Variants in EPHA5 observed in about 807,000 individuals in gnomAD.
EPHA5 encodes the protein EPH receptor A5.
Under a neutral mutation model 105.0 loss-of-function variants are expected in EPHA5, and 60 were observed. The observed-to-expected ratio is 0.57, with a 90% CI of 0.46 to 0.71. The LOEUF is 0.71. EPHA5 is among the 30% of genes least tolerant of loss of function. The probability of loss-of-function intolerance (pLI) is 0.00; values close to 1 mark genes in which losing one functional copy is unlikely to be tolerated. For synonymous variants in EPHA5, 513 were observed against 449.1 expected (o/e 1.14, Z -1.80); for missense variants, 1,218 against 1,274.7 (o/e 0.96, Z 0.68).
intron 3 of EPHA5, among the ~76,000 whole-genome samples, chr4:65,503,565 A>C (rs1732705093): frequency 6.6e-6 from 1 of 151,766 alleles, no homozygotes; most frequent in South Asian, 2.1e-4. Flanking sequence ...CTCTCAATAC[A>C]ATGTATTTTT....
At chr4:65,326,182 G>A (rs1720064548) in intron 16 of EPHA5, among the ~76,000 whole-genome samples, 1 of 150,754 alleles carries the variant, frequency 6.6e-6, no homozygotes, top group Non-Finnish European at 1.5e-5. Context: ...ATAACCCTAT[G>A]ATACAGATTT....
intron 3 of EPHA5, among the ~76,000 whole-genome samples, chr4:65,498,831 T>C (rs1732199118): frequency 6.6e-6 from 1 of 151,720 alleles, no homozygotes; most frequent in Non-Finnish European, 1.5e-5. Flanking sequence ...AAAAAACCTG[T>C]GTGGTTCAAT....
At chr4:65,422,819 T>G (rs1471489189) in intron 5 of EPHA5, among the ~76,000 whole-genome samples, 2 of 152,062 alleles carry the variant, frequency 1.3e-5, no homozygotes, top group Non-Finnish European at 2.9e-5. Context: ...AGCTTTATTT[T>G]TATAGAAAAA....
intron 5 of EPHA5, among the ~76,000 whole-genome samples, chr4:65,440,283 T>G (rs1364990135): frequency 6.6e-6 from 1 of 151,986 alleles, no homozygotes; most frequent in Non-Finnish European, 1.5e-5. Context: ...TTTTATGAAT[T>G]CATTAAAAAG....
At chr4:65,376,077 C>T (rs890688771) in intron 8 of EPHA5, among the ~76,000 whole-genome samples, 2 of 151,982 alleles carry the variant, frequency 1.3e-5, no homozygotes, top group Admixed American at 6.6e-5. Context: ...CCCATTTGCA[C>T]ATCTGTATAC....
At chr4:65,488,885 A>AT (rs5858962) in intron 5 of EPHA5, among the ~76,000 whole-genome samples, 1,493 of 117,716 alleles carry the variant, frequency 0.013, 111 homozygotes, top group African/African-American at 0.042. Context: ...AGCTGCATGC[A>AT]TTTTTTTTTT....
chr4:65,634,331 C>T (rs969617544), intron 2 of EPHA5, among the ~76,000 whole-genome samples: 7 of 152,150 alleles, frequency 4.6e-5, no homozygotes, highest in African/African-American at 7.2e-5. Context: ...ATATCTCAAT[C>T]GTACTATGCA....
chr4:65,584,865 T>C (rs1741963117), intron 3 of EPHA5, among the ~76,000 whole-genome samples: 1 of 151,980 alleles, frequency 6.6e-6, no homozygotes, highest in Non-Finnish European at 1.5e-5. Context: ...CTCATATAAT[T>C]ATTACATATA....
intron 2 of EPHA5, among the ~76,000 whole-genome samples, chr4:65,605,939 T>C (rs1002952617): frequency 3.7e-4 from 56 of 152,236 alleles, no homozygotes; most frequent in African/African-American, 1.3e-3. Flanking sequence ...GTCCTATTGT[T>C]CATTTTAGAA....
intron 3 of EPHA5, among the ~76,000 whole-genome samples, chr4:65,500,325 A>G (rs1732355475): frequency 6.6e-6 from 1 of 151,284 alleles, no homozygotes; most frequent in Admixed American, 6.6e-5. Flanking sequence ...CTATTGTGAC[A>G]AACTCCTGGG....
chr4:65,552,104 A>G (rs1282372674), intron 3 of EPHA5, among the ~76,000 whole-genome samples: 1 of 152,180 alleles, frequency 6.6e-6, no homozygotes, highest in Non-Finnish European at 1.5e-5. Flanking sequence ...AAGAACCAAT[A>G]TTACTAATAA....
At chr4:65,340,958 A>G (rs548628322) in intron 14 of EPHA5, among the ~76,000 whole-genome samples, 2 of 152,016 alleles carry the variant, frequency 1.3e-5, no homozygotes, top group South Asian at 4.2e-4. Context: ...CGGCATTTCT[A>G]CTCCATAGCT....
chr4:65,341,308 G>A (rs1721694283), intron 14 of EPHA5, among the ~76,000 whole-genome samples: 1 of 152,046 alleles, frequency 6.6e-6, no homozygotes, highest in Admixed American at 6.6e-5. Flanking sequence ...TGCCCAGCTA[G>A]GAAGTGGGGG....
At chr4:65,401,133 T>C (rs922275559) in intron 8 of EPHA5, among the ~76,000 whole-genome samples, 3 of 152,056 alleles carry the variant, frequency 2.0e-5, no homozygotes, top group Admixed American at 1.3e-4. Context: ...TATAATCCTA[T>C]ATTTTTACAT....
intron 3 of EPHA5, among the ~76,000 whole-genome samples, chr4:65,513,310 G>A (rs1733796101): frequency 6.6e-6 from 1 of 152,102 alleles, no homozygotes; most frequent in African/African-American, 2.4e-5. Context: ...AGTGTTTAAA[G>A]CTGAAAATTA....
chr4:65,426,819 T>C (rs35444756), intron 5 of EPHA5, among the ~76,000 whole-genome samples: 19,077 of 152,132 alleles, frequency 0.13, 1,629 homozygotes, highest in East Asian at 0.32. Flanking sequence ...TCAGTATAAA[T>C]GTCTTCAAAG....
chr4:65,535,645 A>G (rs941590769), intron 3 of EPHA5, among the ~76,000 whole-genome samples: 7 of 152,118 alleles, frequency 4.6e-5, no homozygotes, highest in African/African-American at 4.8e-5. Flanking sequence ...AAATATCAAT[A>G]CATGTAAAAT....
At chr4:65,456,184 C>T (rs72641046) in intron 5 of EPHA5, among the ~76,000 whole-genome samples, 1,994 of 152,296 alleles carry the variant, frequency 0.013, 25 homozygotes, top group Middle Eastern at 0.02. Flanking sequence ...CCTAACAGTG[C>T]TCTGCTAGCC....
At chr4:65,649,829 C>G (rs1468267888) in intron 1 of EPHA5, among the ~76,000 whole-genome samples, 1 of 152,152 alleles carries the variant, frequency 6.6e-6, no homozygotes, top group Non-Finnish European at 1.5e-5. Flanking sequence ...AACAATCTCA[C>G]TTTTCATCTT....
Sources: allele counts gnomAD v4.1 joint callset (sites outside exome capture counted in the v4.1 genomes callset), GRCh38; gene constraint gnomAD v4.1.1; transcripts MANE v1.5; gene names NCBI Gene and HGNC (gene_info 2026-07-23, HGNC 2026-07-21).